The following TBL1X variants were observed in gnomAD, a reference collection of about 807,000 sequenced individuals.
TBL1X encodes F-box-like/WD repeat-containing protein TBL1X.
A neutral mutation model predicts 50.7 loss-of-function variants in TBL1X; 10 were observed. The observed-to-expected ratio is 0.20, with a 90% confidence interval of 0.12 to 0.33. The LOEUF (loss-of-function observed/expected upper bound fraction) is 0.33, where lower values mean the gene tolerates loss of function less well. TBL1X is among the 10% of genes least tolerant of loss of function. TBL1X has a pLI of 1.00. For synonymous variants in TBL1X, 190 were observed against 214.7 expected, an observed-to-expected ratio of 0.88 and a Z score of 1.01; for missense variants, 340 against 504.4, an observed-to-expected ratio of 0.67 and a Z score of 3.12.
intron 1 of TBL1X, among the ~76,000 whole-genome samples, chrX:9,498,291 G>A (rs1408691119): frequency 9.0e-6 from 1 of 111,642 alleles, no homozygotes; most frequent in East Asian, 2.8e-4. Context: ...GAAGGAAGGG[G>A]ACAGCGTCCT....
chrX:9,579,230 G>GT (rs1205697175), intron 2 of TBL1X, among the ~76,000 whole-genome samples: 2 of 112,161 alleles, frequency 1.8e-5, no homozygotes, highest in Non-Finnish European at 3.8e-5. Context: ...GCAGGAAACT[G>GT]TAACAGCTGA....
chrX:9,707,184 T>G (rs1378087459), intron 13 of TBL1X, among the ~76,000 whole-genome samples: 1 of 110,963 alleles, frequency 9.0e-6, no homozygotes, highest in East Asian at 2.9e-4. Context: ...TGCCACTAAC[T>G]TAACTGATGT....
chrX:9,638,428 G>A (rs1028190792), intron 2 of TBL1X, among the ~76,000 whole-genome samples: 5 of 112,156 alleles, frequency 4.5e-5, no homozygotes, highest in African/African-American at 6.5e-5. Context: ...TCATTTAAAT[G>A]TATTGTTTCT....
intron 2 of TBL1X, among the ~76,000 whole-genome samples, chrX:9,502,290 C>T (rs769566783): frequency 1.8e-5 from 2 of 112,631 alleles, no homozygotes; most frequent in African/African-American, 3.2e-5. Flanking sequence ...TTCCTTCACA[C>T]TTACACACTT....
At chrX:9,528,358 T>C (rs1307251237) in intron 2 of TBL1X, among the ~76,000 whole-genome samples, 1 of 111,331 alleles carries the variant, frequency 9.0e-6, no homozygotes, top group Non-Finnish European at 1.9e-5. Context: ...AATTGTCCTA[T>C]ATGCAGGGGG....
chrX:9,691,909 G>A (rs1306839992), intron 8 of TBL1X, among the ~76,000 whole-genome samples, 198 bp downstream of exon 8: 2 of 112,106 alleles, frequency 1.8e-5, no homozygotes, highest in South Asian at 3.7e-4. Flanking sequence ...GTTCCAAGTC[G>A]TTTTCTCCAT....
At chrX:9,467,688 C>T (rs2081785190) in intron 1 of TBL1X, among the ~76,000 whole-genome samples, 1 of 110,415 alleles carries the variant, frequency 9.1e-6, no homozygotes, top group Non-Finnish European at 1.9e-5. Flanking sequence ...GGAGACTGGA[C>T]TCGAGTTTTT....
At chrX:9,527,424 T>G (rs1241703863) in intron 2 of TBL1X, among the ~76,000 whole-genome samples, 3 of 111,430 alleles carry the variant, frequency 2.7e-5, no homozygotes, top group African/African-American at 9.8e-5. Context: ...AGGCCGTATT[T>G]AGGCACTGAC....
At chrX:9,501,154 A>G (rs2081999382) in intron 1 of TBL1X, among the ~76,000 whole-genome samples, 1 of 111,918 alleles carries the variant, frequency 8.9e-6, no homozygotes, top group Non-Finnish European at 1.9e-5. Context: ...CTCATAGCAT[A>G]AGGGTCAAGT....
At chrX:9,699,705 G>C (rs1302125217) in intron 12 of TBL1X, among the ~76,000 whole-genome samples, 1 of 111,509 alleles carries the variant, frequency 9.0e-6, no homozygotes, top group East Asian at 2.8e-4. Flanking sequence ...AGATGCATAG[G>C]CACCCACGTC....
chrX:9,687,879 C>T, intron 6 of TBL1X, 138 bp from the exon 7 acceptor site: 2 of 1,060,398 alleles, frequency 1.9e-6, no homozygotes, highest in Middle Eastern at 3.5e-4. Flanking sequence ...CATGCCGCTT[C>T]CCCCGTGGCC....
At chrX:9,615,633 C>G (rs2082635574) in intron 2 of TBL1X, among the ~76,000 whole-genome samples, 1 of 112,232 alleles carries the variant, frequency 8.9e-6, no homozygotes, top group Admixed American at 9.4e-5. Flanking sequence ...AGCCCTGTAA[C>G]CAGAGTCCTC....
At chrX:9,643,026 G>A (rs1433326513) in intron 3 of TBL1X, among the ~76,000 whole-genome samples, 2 of 112,441 alleles carry the variant, frequency 1.8e-5, no homozygotes, top group African/African-American at 6.5e-5. Context: ...TTGTGATTAC[G>A]TAGCGAAGGC....
intron 2 of TBL1X, among the ~76,000 whole-genome samples, chrX:9,625,563 C>T (rs915168590): frequency 2.7e-5 from 3 of 112,080 alleles, no homozygotes; most frequent in East Asian, 2.8e-4. Context: ...TACTGGAATC[C>T]GGAGGAGAGA....
chrX:9,703,210 G>A (rs922444498), intron 12 of TBL1X, among the ~76,000 whole-genome samples: 19 of 71,961 alleles, frequency 2.6e-4, no homozygotes, highest in Non-Finnish European at 1.6e-4. Flanking sequence ...AGAACCTTCA[G>A]GGGAAGGGAA....
In TBL1X at chrX:9,518,659, A is replaced by G. The variant is rs190168620; in HGVS notation, c.-131+16810A>G. On this transcript the variant is annotated intron_variant, in intron 2 of 17. Transcript: ENST00000645353. Reference sequence around the variant, plus strand: ...AGGGAGGTGTGGGTCACCTCTGTGCAGGGCATGAGAAGAGAGGAGGCTGGG... The same window carrying G: ...AGGGAGGTGTGGGTCACCTCTGTGCGGGGCATGAGAAGAGAGGAGGCTGGG... Among the ~76,000 whole-genome samples, 234 of 111,585 alleles carry G rather than the reference A, an allele frequency of 2.1e-3. 1 individual carries two copies. The highest frequency in any genetic ancestry group is 9.2e-3 in the Middle Eastern group (2 of 217).
intron 2 of TBL1X, among the ~76,000 whole-genome samples, chrX:9,530,482 A>G (rs981783062): frequency 2.7e-5 from 3 of 112,452 alleles, no homozygotes; most frequent in African/African-American, 9.7e-5. Flanking sequence ...TTAAAATTCA[A>G]TTTATACTGG....
chrX:9,619,918 G>A (rs1298464378), intron 2 of TBL1X, among the ~76,000 whole-genome samples: 1 of 112,581 alleles, frequency 8.9e-6, no homozygotes, highest in African/African-American at 3.2e-5. Context: ...GCGGGAAACA[G>A]GCAGACGCCT....
chrX:9,495,233 G>A (rs1252223884), intron 1 of TBL1X, among the ~76,000 whole-genome samples: 2 of 111,495 alleles, frequency 1.8e-5, no homozygotes, highest in African/African-American at 3.3e-5. Flanking sequence ...GTGATGGAGC[G>A]CAGCTATCCT....
Sources: allele counts gnomAD v4.1 joint callset (sites outside exome capture counted in the v4.1 genomes callset), GRCh38; gene constraint gnomAD v4.1.1; transcripts MANE v1.5; gene names NCBI Gene and HGNC (gene_info 2026-07-23, HGNC 2026-07-21).